The following HECTD4 variants were observed in gnomAD, a reference collection of about 807,000 sequenced individuals.
HECTD4 encodes the protein probable E3 ubiquitin-protein ligase HECTD4.
Under a neutral mutation model 471.5 loss-of-function variants are expected in HECTD4, and 114 were observed. The ratio of observed to expected loss-of-function variants is 0.24; its 90% CI spans 0.21 to 0.28. The LOEUF is 0.28. Ranked by LOEUF, HECTD4 falls within the 10% of genes least tolerant of loss-of-function variation. The pLI is 1.00. For missense variants in HECTD4, 3,866 were observed against 5,651.5 expected (o/e 0.68, Z 10.13); for synonymous variants, 2,012 against 2,256.0 (o/e 0.89, Z 3.07).
intron 23 of HECTD4, among the ~76,000 whole-genome samples, 167 bp downstream of exon 23, chr12:112,252,257 T>C (rs2033907274): frequency 6.6e-6 from 1 of 152,218 alleles, no homozygotes; most frequent in African/African-American, 2.4e-5. Flanking sequence ...CTAGTTTTAT[T>C]CTGTAAAAGT....
chr12:112,354,548 T>C (rs2036298827), intron 1 of HECTD4, among the ~76,000 whole-genome samples: 1 of 152,050 alleles, frequency 6.6e-6, no homozygotes, highest in Admixed American at 6.6e-5. Context: ...TAGCTGGGTG[T>C]GGTTGTACAC....
At chr12:112,180,898 C>T (rs2031645616) in intron 62 of HECTD4, among the ~76,000 whole-genome samples, 1 of 151,558 alleles carries the variant, frequency 6.6e-6, no homozygotes, top group Non-Finnish European at 1.5e-5. Context: ...AAACCTCAGT[C>T]ATCAAGATAA....
intron 7 of HECTD4, among the ~76,000 whole-genome samples, chr12:112,303,082 G>A (rs1322584101): frequency 6.6e-6 from 1 of 151,898 alleles, no homozygotes; most frequent in East Asian, 1.9e-4. Context: ...TGATTCACCA[G>A]GGAGGCAAGT....
Position 112,172,779 on chromosome 12 carries a change from T to C in HECTD4, c.11677A>G (p.Ile3893Val). The C allele has an allele frequency of 3.1e-6, 5 of 1,613,980 alleles. No homozygotes were observed. In the African/African-American group the frequency reaches 4.0e-5, roughly 13 times the overall value. ...LEMDVALVQYINQLCRHLAIT... is the reference protein window; with the variant it reads ...LEMDVALVQYVNQLCRHLAIT... The stretch of plus-strand genomic sequence containing the variant: ...GCGAGGTGGCGGCATAGCTGGTTGA[T>C]GTACTGCACAAGTGCCACGTCCATC... The change falls in exon 67 of 76, where the codon ATC becomes GTC. Residue 3893 changes from isoleucine (I) to valine (V), a missense_variant. Ile to Val is a conservative substitution (Grantham distance 29). This residue lies in a region of HECTD4 where 715 missense variants were observed against 1,087.6 expected (regional missense o/e 0.66). Coordinates refer to ENST00000682272, the MANE Select transcript of HECTD4 (RefSeq NM_001388303.1).
chr12:112,282,970 G>T, intron 8 of HECTD4, 140 bp downstream of exon 8: 1 of 567,848 alleles, frequency 1.8e-6, no homozygotes, highest in Non-Finnish European at 2.9e-6. Flanking sequence ...GGAATAAAAA[G>T]CTGGACAATG....
chr12:112,274,188 C>T (rs1416693866), intron 10 of HECTD4, among the ~76,000 whole-genome samples: 1 of 152,172 alleles, frequency 6.6e-6, no homozygotes, highest in Non-Finnish European at 1.5e-5. Flanking sequence ...CTACCACCCA[C>T]GGCAAAGAGA....
intron 1 of HECTD4, among the ~76,000 whole-genome samples, chr12:112,323,737 G>C (rs951941754): frequency 2.0e-5 from 3 of 151,530 alleles, no homozygotes; most frequent in African/African-American, 7.3e-5. Flanking sequence ...CAGTTGTGGT[G>C]GTGGTTACAT....
At chr12:112,275,849 C>T (rs1473435881) in intron 9 of HECTD4, among the ~76,000 whole-genome samples, 1 of 152,124 alleles carries the variant, frequency 6.6e-6, no homozygotes, top group African/African-American at 2.4e-5. Flanking sequence ...AAATAGACCT[C>T]CAAATCTCTT....
chr12:112,339,912 G>C (rs2036026037), intron 1 of HECTD4, among the ~76,000 whole-genome samples: 2 of 152,126 alleles, frequency 1.3e-5, no homozygotes, highest in African/African-American at 4.8e-5. Flanking sequence ...AGCCAGTCAT[G>C]GTGGTACACA....
chr12:112,378,568 C>T (rs2036827967), intron 1 of HECTD4, among the ~76,000 whole-genome samples: 1 of 151,980 alleles, frequency 6.6e-6, no homozygotes, highest in Non-Finnish European at 1.5e-5. Context: ...GTAAGGTTGC[C>T]AGTCATAATT....
At chr12:112,219,546 G>T in intron 44 of HECTD4, 57 bp from the exon 45 acceptor site, 2 of 1,249,828 alleles carry the variant, frequency 1.6e-6, no homozygotes, top group Non-Finnish European at 2.3e-6. Context: ...CCAAGTGGGT[G>T]CTGACTCTTT....
At chr12:112,294,134 C>T (rs2034955106) in intron 7 of HECTD4, among the ~76,000 whole-genome samples, 2 of 151,902 alleles carry the variant, frequency 1.3e-5, no homozygotes, top group Admixed American at 1.3e-4. Flanking sequence ...TTTTTCTTTT[C>T]TTACAGGCCA....
At chr12:112,170,700 T>C in intron 68 of HECTD4, 1 of 510,300 alleles carries the variant, frequency 2.0e-6, no homozygotes, top group East Asian at 3.1e-5. Flanking sequence ...ATGTAGAAAA[T>C]GATACCTATT....
At chr12:112,309,020 G>T in intron 5 of HECTD4, 129 bp from the exon 6 acceptor site, 1 of 947,992 alleles carries the variant, frequency 1.1e-6, no homozygotes, top group Non-Finnish European at 1.5e-6. Flanking sequence ...AACATCTGAA[G>T]GAAAGTGAAT....
In HECTD4 at chr12:112,164,242, C is replaced by T. The variant is rs370063916; in HGVS notation, c.12568G>A (p.Ala4190Thr). 28 of 1,613,494 alleles carry T rather than the reference C, an allele frequency of 1.7e-5. No individual in the cohort carries two copies. Among genetic ancestry groups the T allele is most frequent in the Middle Eastern group, 1.6e-4 (1 of 6,070 alleles). Residue 4190 changes from alanine to threonine, a missense_variant, in exon 73 of 76, where the codon GCT becomes ACT. This residue lies in a region of HECTD4 where 715 missense variants were observed against 1,087.6 expected (regional missense o/e 0.66). Coordinates refer to ENST00000682272, the MANE Select transcript of HECTD4 (RefSeq NM_001388303.1). The part of the protein sequence containing the change: ...NDETELEALC[A>T]EIASQHLATE... ...GCCAGGTGCTGGGAGGCGATCTCAGCGCACAGGGCCTCCAGCTCGGTCTCA... is the reference window on the plus strand; with the variant it reads ...GCCAGGTGCTGGGAGGCGATCTCAGTGCACAGGGCCTCCAGCTCGGTCTCA...
At chr12:112,291,341 A>C (rs1214970738) in intron 7 of HECTD4, among the ~76,000 whole-genome samples, 1 of 152,166 alleles carries the variant, frequency 6.6e-6, no homozygotes, top group East Asian at 1.9e-4. Context: ...AAATATAGAT[A>C]TTCTTTAATA....
In HECTD4 at chr12:112,190,876, A is replaced by G. The variant is rs932239293; in HGVS notation, c.9382T>C (p.Ser3128Pro). 1 of 1,579,766 alleles carries G rather than the reference A, an allele frequency of 6.3e-7. No individual in the cohort carries two copies. The highest frequency in any genetic ancestry group is 1.8e-5 in the Admixed American group (1 of 55,084). ...CCTTCACTGTCCTCTGATTTCCAGG[A>G]CAGCAGCTGCTCTGCGAAGGCCATA... is the stretch of plus-strand genomic sequence containing the variant. ...LAMAFAEQLL[S>P]WKSEDSEGKS... is the part of the protein sequence containing the mutation. The change falls in exon 60 of 76, where the codon TCC becomes CCC. Residue 3128 changes from serine to proline, a missense_variant. Physicochemically the swap from Ser to Pro is moderately conservative, Grantham distance 74. Coordinates refer to ENST00000682272, the MANE Select transcript of HECTD4 (RefSeq NM_001388303.1).
intron 1 of HECTD4, among the ~76,000 whole-genome samples, chr12:112,323,493 A>G (rs895080184): frequency 1.3e-5 from 2 of 152,108 alleles, no homozygotes; most frequent in Admixed American, 1.3e-4. Context: ...GAAAGAAACT[A>G]TTGATAAACA....
chr12:112,215,601 C>G (rs1055022609), intron 48 of HECTD4, among the ~76,000 whole-genome samples: 2 of 152,124 alleles, frequency 1.3e-5, no homozygotes, highest in African/African-American at 4.8e-5. Flanking sequence ...CAAAGCTTGA[C>G]CAGATGTTTA....
Sources: gnomAD v4.1 joint callset for allele counts (sites outside exome capture counted in the v4.1 genomes callset) on GRCh38, gnomAD v4.1.1 for gene constraint, gnomAD v4.1.1 regional missense constraint, MANE v1.5 for transcripts, NCBI Gene and HGNC (gene_info 2026-07-23, HGNC 2026-07-21) for gene names.